Variants in EPHA6 observed in about 807,000 individuals in gnomAD.
EPHA6 encodes ephrin type-A receptor 6.
Under a neutral mutation model 112.0 loss-of-function variants are expected in EPHA6, and 50 were observed. That is an observed-to-expected ratio of 0.45 (90% CI 0.36 to 0.56). The LOEUF is 0.56. Ranked by LOEUF, EPHA6 falls within the 20% of genes least tolerant of loss-of-function variation. EPHA6 has a pLI of 0.00. For missense variants in EPHA6, 1,280 were observed against 1,417.4 expected (o/e 0.90, Z 1.56); for synonymous variants, 529 against 490.7 (o/e 1.08, Z -1.03).
At chr3:97,703,627 G>T (rs1045549469) in intron 14 of EPHA6, among the ~76,000 whole-genome samples, 1 of 152,096 alleles carries the variant, frequency 6.6e-6, no homozygotes, top group Non-Finnish European at 1.5e-5. Context: ...CAGGCTGAAG[G>T]ATATAGATGA....
At chr3:96,881,844 G>A (rs1380899814) in intron 2 of EPHA6, among the ~76,000 whole-genome samples, 4 of 152,180 alleles carry the variant, frequency 2.6e-5, no homozygotes, top group African/African-American at 4.8e-5. Flanking sequence ...AAGGGGCTAC[G>A]GGCCCCATGC....
At chr3:97,106,789 G>T (rs1265272229) in intron 3 of EPHA6, among the ~76,000 whole-genome samples, 1 of 152,130 alleles carries the variant, frequency 6.6e-6, no homozygotes, top group African/African-American at 2.4e-5. Context: ...AAACCTGCCT[G>T]TATGCCTGCG....
intron 16 of EPHA6, among the ~76,000 whole-genome samples, chr3:97,743,623 G>T (rs766729244): frequency 2.0e-5 from 3 of 152,106 alleles, no homozygotes; most frequent in Middle Eastern, 3.4e-3. Context: ...GTGAAATGAA[G>T]GCAATGTAAA....
intron 11 of EPHA6, among the ~76,000 whole-genome samples, chr3:97,591,400 A>G (rs933158822): frequency 6.6e-6 from 1 of 152,212 alleles, no homozygotes; most frequent in African/African-American, 2.4e-5. Flanking sequence ...GTGTCAAGAT[A>G]CAAAGTGAGG....
At chr3:96,914,462 A>T (rs2039388420) in intron 2 of EPHA6, among the ~76,000 whole-genome samples, 1 of 152,188 alleles carries the variant, frequency 6.6e-6, no homozygotes, top group African/African-American at 2.4e-5. Context: ...CCTGCATTCA[A>T]ATGGAATCTA....
chr3:97,187,688 G>GGAAAGAAAGGAAAGAAA (rs1553718539), intron 3 of EPHA6, among the ~76,000 whole-genome samples: 19 of 108,076 alleles, frequency 1.8e-4, no homozygotes, highest in African/African-American at 6.6e-4. Context: ...AAAGAAAGAA[G>GGAAAGAAAGGAAAGAAA]GAAAGAAAGA....
At chr3:97,434,168 A>G (rs1224767729) in intron 6 of EPHA6, among the ~76,000 whole-genome samples, 1 of 152,146 alleles carries the variant, frequency 6.6e-6, no homozygotes, top group African/African-American at 2.4e-5. Context: ...CTGTATTGCA[A>G]TACCTCACAT....
At chr3:97,700,640 T>G (rs1426053602) in intron 14 of EPHA6, among the ~76,000 whole-genome samples, 1 of 152,234 alleles carries the variant, frequency 6.6e-6, no homozygotes, top group Non-Finnish European at 1.5e-5. Context: ...GAACTATCTC[T>G]TTTAAGGTAC....
intron 15 of EPHA6, among the ~76,000 whole-genome samples, chr3:97,721,269 G>T (rs1207451977): frequency 1.3e-5 from 2 of 152,044 alleles, no homozygotes; most frequent in Non-Finnish European, 2.9e-5. Flanking sequence ...ATTTATTTTT[G>T]CCAGTTTTAA....
intron 5 of EPHA6, among the ~76,000 whole-genome samples, chr3:97,345,026 C>T (rs752091360): frequency 6.6e-6 from 1 of 151,474 alleles, no homozygotes. Flanking sequence ...GATTGCTTAA[C>T]TTCACAGAAG....
At chr3:97,041,954 A>G (rs890542269) in intron 3 of EPHA6, among the ~76,000 whole-genome samples, 16 of 152,110 alleles carry the variant, frequency 1.1e-4, no homozygotes, top group African/African-American at 3.6e-4. Context: ...TTGGGTAGGG[A>G]CACAAATCCA....
intron 12 of EPHA6, among the ~76,000 whole-genome samples, chr3:97,607,981 T>C (rs1426263532): frequency 6.6e-6 from 1 of 151,152 alleles, no homozygotes; most frequent in Non-Finnish European, 1.5e-5. Context: ...ATTTTCTTGA[T>C]TATAAAATGT....
intron 6 of EPHA6, among the ~76,000 whole-genome samples, chr3:97,411,715 A>G (rs1399318630): frequency 6.6e-6 from 1 of 152,048 alleles, no homozygotes; most frequent in Non-Finnish European, 1.5e-5. Flanking sequence ...AGACAAGCCT[A>G]CAAATTTACT....
intron 2 of EPHA6, among the ~76,000 whole-genome samples, chr3:96,935,601 GCAT>G (rs1254434213): frequency 3.4e-5 from 5 of 148,718 alleles, no homozygotes; most frequent in East Asian, 3.9e-4. Context: ...TTGTTGTGAA[GCAT>G]CATATTTCAT....
chr3:96,817,004 T>G (rs1435426706), intron 1 of EPHA6, among the ~76,000 whole-genome samples: 6 of 152,044 alleles, frequency 3.9e-5, no homozygotes, highest in African/African-American at 1.2e-4. Flanking sequence ...TTATCCAATT[T>G]TCCCATCAGT....
At chr3:97,006,572 A>C (rs2107925233) in intron 3 of EPHA6, among the ~76,000 whole-genome samples, 1 of 150,548 alleles carries the variant, frequency 6.6e-6, no homozygotes, top group Admixed American at 6.6e-5. Flanking sequence ...GGATTCGTTG[A>C]TTTTTTGGAA....
intron 5 of EPHA6, among the ~76,000 whole-genome samples, chr3:97,404,881 C>A (rs1258834745): frequency 1.3e-5 from 2 of 152,040 alleles, no homozygotes; most frequent in Non-Finnish European, 2.9e-5. Flanking sequence ...AAATATCCTC[C>A]CCTAATAATA....
chr3:97,496,949 A>G (rs369221248), intron 10 of EPHA6, among the ~76,000 whole-genome samples: 2 of 152,226 alleles, frequency 1.3e-5, no homozygotes, highest in East Asian at 3.9e-4. Context: ...GTGGCATGTC[A>G]ATTTATCATC....
chr3:97,592,690 C>A lies in EPHA6; in HGVS notation c.2465C>A (p.Pro822Gln), dbSNP rs371381556. The change falls in exon 12 of 18, where the codon CCG (proline) becomes CAG (glutamine). Residue 822 changes from proline to glutamine, a missense_variant. Physicochemically the swap from Pro to Gln is moderately conservative, Grantham distance 76. Coordinates refer to ENST00000389672, the MANE Select transcript of EPHA6 (RefSeq NM_001080448.3). ...RAGFLNSIQA[P>Q]HPVPGGGSLP... is the part of the protein sequence containing the mutation. ...GGGTTTTTAAATAGCATCCAGGCCC[C>A]GCATCCAGTGCCAGGGGGAGGATCT... 13 of 1,610,768 alleles carry A rather than the reference C, an allele frequency of 8.1e-6. No individual in the cohort carries two copies. The African/African-American group carries it at 1.7e-4, about 22-fold the overall frequency.
Sources: gnomAD v4.1 joint callset for allele counts (sites outside exome capture counted in the v4.1 genomes callset) on GRCh38, gnomAD v4.1.1 for gene constraint, MANE v1.5 for transcripts, NCBI Gene and HGNC (gene_info 2026-07-23, HGNC 2026-07-21) for gene names.